RGPD1: variants seen among roughly 807,000 people sequenced by gnomAD.
RGPD1 encodes the protein RANBP2 like and GRIP domain containing 1.
A neutral mutation model predicts 40.6 loss-of-function variants in RGPD1; 7 were observed. That is an observed-to-expected ratio of 0.17 (90% CI 0.10 to 0.32). RGPD1 has a LOEUF of 0.32. Ranked by LOEUF, RGPD1 falls within the 10% of genes least tolerant of loss-of-function variation. The pLI, the probability that RGPD1 is intolerant of heterozygous loss-of-function variation, is 1.00. For missense variants in RGPD1, 50 were observed against 472.5 expected, an observed-to-expected ratio of 0.11 and a Z score of 8.29; for synonymous variants, 24 against 167.0, an observed-to-expected ratio of 0.14 and a Z score of 6.60.
chr2:86,920,420 T>G (rs1678071132), intron 1 of RGPD1, among the ~76,000 whole-genome samples: 2 of 149,702 alleles, frequency 1.3e-5, no homozygotes, highest in East Asian at 3.9e-4. Context: ...TCCTCAATTT[T>G]TCTGTTCTTT....
At chr2:87,011,642 TA>T (rs1303382619) in intron 22 of RGPD1, among the ~76,000 whole-genome samples, 1 of 49,710 alleles carries the variant, frequency 2.0e-5, no homozygotes, top group African/African-American at 7.5e-5. Flanking sequence ...TTAGTCCTAA[TA>T]AAAAAAACCA....
In RGPD1 at chr2:86,960,578, C is replaced by G. The variant is rs1434521103; in HGVS notation, c.779+2151C>G. ...TAGAAACAGGGTTTCATCATGTTGGCCAGGATGGTCTCGATCTTTTTTTTT... is the reference window on the plus strand; with the variant it reads ...TAGAAACAGGGTTTCATCATGTTGGGCAGGATGGTCTCGATCTTTTTTTTT... On this transcript the variant is annotated intron_variant, in intron 6 of 22. Transcript: ENST00000641458. Among the ~76,000 whole-genome samples, 3 of 128,950 alleles carry G rather than the reference C, an allele frequency of 2.3e-5. 1 individual carries two copies. The highest frequency in any genetic ancestry group is 1.1e-4 in the African/African-American group (3 of 27,288). The allele number at this position is 128,950 out of a possible 152,430, so 84.6% of individuals were successfully genotyped here. A position where few individuals can be genotyped will look rare whatever the true frequency, so the allele number is the denominator to read the frequency against.
rs1436587191 is a variant in RGPD1 at position 86,988,479 on chromosome 2, A to G, written c.4900+680A>G. On this transcript the variant is annotated intron_variant, in intron 20 of 22. Coordinates refer to ENST00000641458, the MANE Select transcript of RGPD1 (RefSeq NM_001382344.1). ...AAAAAACAAAAAAACAAAAAAAACC[A>G]TGATATTGAGATGTTCTCATTTTAT... 3.4e-5 allele frequency among the ~76,000 whole-genome samples: 3 copies of G among 87,702 alleles called. No individual in the cohort carries two copies. The South Asian group carries it at 1.5e-3, about 44-fold the overall frequency. 57.5% of individuals were successfully genotyped at this position (87,702 alleles called of 152,430 possible).
At position 86,942,265 on chromosome 2, in the gene RGPD1, G is replaced by C. The variant is rs897869555; in HGVS notation, c.29G>C (p.Arg10Pro). 7 of 1,607,386 alleles carry C rather than the reference G, an allele frequency of 4.4e-6. No homozygotes were observed. Among genetic ancestry groups the C allele is most frequent in the African/African-American group, 2.7e-5 (2 of 74,612 alleles). Residue 10 changes from arginine (R) to proline (P), a missense_variant, in exon 1 of 23, where the codon CGG becomes CCG. By Grantham distance (103) the Arg-to-Pro change is moderately radical. Coordinates refer to ENST00000641458, the MANE Select transcript of RGPD1 (RefSeq NM_001382344.1). MRRSKAYGE[R>P]YVASVQGSAP... ...AGGCGCAGCAAGGCCTACGGGGAGCGGTACGTCGCCTCGGTGCAGGGCTCC... is the reference window on the plus strand; with the variant it reads ...AGGCGCAGCAAGGCCTACGGGGAGCCGTACGTCGCCTCGGTGCAGGGCTCC...
At chr2:86,963,315 G>A in intron 7 of RGPD1, 91 bp downstream of exon 7, 2 of 7,290 alleles carry the variant, frequency 2.7e-4, no homozygotes, top group South Asian at 2.1e-3. Context: ...ATGACAATAT[G>A]TGAACAAACT....
chr2:87,007,383 G>GT (rs1422091671), intron 22 of RGPD1, among the ~76,000 whole-genome samples: 5 of 151,116 alleles, frequency 3.3e-5, no homozygotes, highest in South Asian at 2.1e-4. Context: ...TTGTTTTTTG[G>GT]TTTTTTTGTT....
intron 1 of RGPD1, among the ~76,000 whole-genome samples, chr2:86,931,813 G>A (rs1678986329): frequency 6.7e-6 from 1 of 149,036 alleles, no homozygotes; most frequent in Non-Finnish European, 1.5e-5. Flanking sequence ...TGAAAATAAA[G>A]ATCCTAGATT....
chr2:86,938,595 A>G (rs1166361408), upstream of RGPD1, among the ~76,000 whole-genome samples: 3 of 151,462 alleles, frequency 2.0e-5, no homozygotes, highest in African/African-American at 7.3e-5. Context: ...GCAAGACTCC[A>G]TCTCAAAAAA....
intron 1 of RGPD1, among the ~76,000 whole-genome samples, chr2:86,915,502 A>G (rs1158100271): frequency 9.6e-6 from 1 of 104,668 alleles, no homozygotes; most frequent in Non-Finnish European, 1.9e-5. Context: ...AAATTAAATA[A>G]ATAAAAACAA....
At chr2:86,998,698 A>G (rs28402073) in intron 22 of RGPD1, among the ~76,000 whole-genome samples, 70 of 5,584 alleles carry the variant, frequency 0.013, no homozygotes, top group South Asian at 0.083. Context: ...TTATGGTTTC[A>G]TTTTTGTTTT....
intron 1 of RGPD1, among the ~76,000 whole-genome samples, chr2:86,943,856 GAAA>G (rs758204058): frequency 3.3e-5 from 5 of 151,972 alleles, no homozygotes; most frequent in Non-Finnish European, 5.9e-5. Flanking sequence ...ACTAAAAATA[GAAA>G]AAAAGTTAGC....
chr2:86,936,061 A>G (rs955460582), intron 1 of RGPD1, among the ~76,000 whole-genome samples: 1 of 132,436 alleles, frequency 7.6e-6, no homozygotes, highest in African/African-American at 2.6e-5. Context: ...CTGGAGGTGC[A>G]GTGGCGCAAT....
At position 87,007,469 on chromosome 2, in the gene RGPD1, C is replaced by T. The variant is rs1328254315; in HGVS notation, c.5237-5044C>T. Reference sequence around the variant, plus strand: ...CTCGGCTCACTGCAACCTCCACTTCCGAGGTTCAAGCGATTCTCCTGCCTC... The same window carrying T: ...CTCGGCTCACTGCAACCTCCACTTCTGAGGTTCAAGCGATTCTCCTGCCTC... On this transcript the variant is annotated intron_variant, in intron 22 of 22. Transcript: ENST00000641458. Among the ~76,000 whole-genome samples, 13 of 152,352 alleles carry T rather than the reference C, an allele frequency of 8.5e-5. No homozygotes were observed. The South Asian group carries it at 1.2e-3, about 15-fold the overall frequency.
At chr2:86,929,585 G>A (rs1252949922) in intron 1 of RGPD1, among the ~76,000 whole-genome samples, 1,499 of 139,882 alleles carry the variant, frequency 0.011, no homozygotes, top group African/African-American at 0.043. Context: ...ATTATTAGGC[G>A]CCCTTTCTAC....
Position 86,913,890 on chromosome 2 carries a change from C to A in RGPD1, c.41C>A (p.Ser14Ter), listed in dbSNP as rs767660306. ...GCCTACGGGGAGCGGTACCTCGCCT[C>A]GGTGCAGGGCTCCGCCCCGTCGCCT... The change falls in exon 1 of 23, where the codon TCG (serine) becomes TAG (stop). Residue 14 changes from serine (S) to a stop codon, truncating the protein, a stop_gained. Transcript: ENST00000398193. LOFTEE classifies it high-confidence loss of function. 2 of 1,573,842 alleles carry A rather than the reference C, an allele frequency of 1.3e-6. No individual in the cohort carries two copies.
At chr2:87,007,468 C>G (rs62148332) in intron 22 of RGPD1, among the ~76,000 whole-genome samples, 31,662 of 148,104 alleles carry the variant, frequency 0.21, 579 homozygotes, top group East Asian at 0.37. Flanking sequence ...ACCTCCACTT[C>G]CGAGGTTCAA....
intron 1 of RGPD1, among the ~76,000 whole-genome samples, chr2:86,933,329 AAAC>A (rs1298435021): frequency 6.7e-6 from 1 of 150,294 alleles, no homozygotes; most frequent in African/African-American, 2.4e-5. Flanking sequence ...AGGAAGAAAA[AAAC>A]TTCATGGTAT....
upstream of RGPD1, among the ~76,000 whole-genome samples, chr2:86,941,453 T>C (rs1679741839): frequency 6.7e-6 from 1 of 149,780 alleles, no homozygotes; most frequent in Admixed American, 6.6e-5. Flanking sequence ...AGTGGCGCTA[T>C]CACAGTTCAT....
At chr2:86,933,110 C>T (rs1053984605) in intron 1 of RGPD1, among the ~76,000 whole-genome samples, 19 of 147,904 alleles carry the variant, frequency 1.3e-4, no homozygotes, top group South Asian at 4.3e-4. Flanking sequence ...TTTATATATA[C>T]GTGTATGTAT....
Sources: allele counts gnomAD v4.1 joint callset (sites outside exome capture counted in the v4.1 genomes callset), GRCh38; gene constraint gnomAD v4.1.1; transcripts MANE v1.5; gene names NCBI Gene and HGNC (gene_info 2026-07-23, HGNC 2026-07-21).